The following AFF3 variants were observed in gnomAD, a reference collection of about 807,000 sequenced individuals.
AFF3 encodes ALF transcription elongation factor 3, also known as AF4/FMR2 family member 3.
AFF3 carries 32 observed loss-of-function variants against 129.7 expected under a neutral mutation model. That is an observed-to-expected ratio of 0.25 (90% CI 0.19 to 0.33). The LOEUF (loss-of-function observed/expected upper bound fraction) is 0.33, where lower values mean the gene tolerates loss of function less well. AFF3 is among the 10% of genes least tolerant of loss of function. The pLI is 1.00. For missense variants in AFF3, 1,373 were observed against 1,592.0 expected (o/e 0.86, Z 2.34); for synonymous variants, 644 against 635.4 (o/e 1.01, Z -0.20).
At chr2:99,742,357 TA>T (rs577062354) in intron 10 of AFF3, among the ~76,000 whole-genome samples, 72 of 149,064 alleles carry the variant, frequency 4.8e-4, no homozygotes, top group African/African-American at 1.5e-3. Flanking sequence ...AAAATGAAAT[TA>T]AAAAAAAAAT....
intron 11 of AFF3, among the ~76,000 whole-genome samples, chr2:99,673,944 T>G (rs755820565): frequency 6.6e-6 from 1 of 152,230 alleles, no homozygotes; most frequent in Non-Finnish European, 1.5e-5. Context: ...AATCCTAAGG[T>G]TGAATCCTGC....
chr2:99,942,498 T>C (rs1231845736), intron 7 of AFF3, among the ~76,000 whole-genome samples: 2 of 123,002 alleles, frequency 1.6e-5, no homozygotes, highest in Non-Finnish European at 3.2e-5. Flanking sequence ...AAGGCCTCAA[T>C]GTAAAGGGTA....
Position 99,856,357 on chromosome 2 carries a change from C to T in AFF3, c.874-18833G>A, listed in dbSNP as rs532717729. ...CAAAATTACTAGGCATACAAAGAACCGGGAAAATATGAACTCACATGGGGA... is the reference window on the plus strand; with the variant it reads ...CAAAATTACTAGGCATACAAAGAACTGGGAAAATATGAACTCACATGGGGA... On this transcript the variant is annotated intron_variant, in intron 7 of 24. Coordinates refer to ENST00000672756, the MANE Select transcript of AFF3 (RefSeq NM_001386135.1). Among the ~76,000 whole-genome samples the T allele has an allele frequency of 1.3e-4, 20 of 151,950 alleles. No homozygotes were observed. In the East Asian group the frequency reaches 1.4e-3, roughly 10 times the overall value.
chr2:100,067,208 G>C (rs985695131), intron 4 of AFF3, among the ~76,000 whole-genome samples: 4 of 151,774 alleles, frequency 2.6e-5, no homozygotes, highest in African/African-American at 9.7e-5. Flanking sequence ...GGTGGGGGGA[G>C]GGTGTAGTTC....
intron 7 of AFF3, among the ~76,000 whole-genome samples, chr2:99,960,463 T>G (rs954535008): frequency 6.6e-6 from 1 of 152,166 alleles, no homozygotes; most frequent in African/African-American, 2.4e-5. Flanking sequence ...CTATGTTTAC[T>G]GAGAAAATGA....
chr2:99,869,079 G>A (rs1691660294), intron 7 of AFF3, among the ~76,000 whole-genome samples: 1 of 151,970 alleles, frequency 6.6e-6, no homozygotes, highest in South Asian at 2.1e-4. Flanking sequence ...TTACAGGTGT[G>A]AGCCACCGTG....
intron 4 of AFF3, among the ~76,000 whole-genome samples, chr2:100,078,616 G>C (rs750439418): frequency 6.6e-6 from 1 of 152,044 alleles, no homozygotes; most frequent in Non-Finnish European, 1.5e-5. Flanking sequence ...ATTCAGCTGT[G>C]GAATGAACTG....
At chr2:99,910,656 T>C (rs977867904) in intron 7 of AFF3, among the ~76,000 whole-genome samples, 24 of 152,204 alleles carry the variant, frequency 1.6e-4, no homozygotes, top group African/African-American at 4.8e-4. Flanking sequence ...TTAAGGACAA[T>C]ATGACTCTCA....
intron 13 of AFF3, among the ~76,000 whole-genome samples, chr2:99,640,994 TCAGA>T: frequency 6.6e-6 from 1 of 152,308 alleles, no homozygotes; most frequent in Non-Finnish European, 1.5e-5. Context: ...AGAGCTGGCT[TCAGA>T]CACTTTCTAC....
At chr2:99,553,712 G>A (rs192277962) in intron 24 of AFF3, among the ~76,000 whole-genome samples, 161 of 151,908 alleles carry the variant, frequency 1.1e-3, no homozygotes, top group Non-Finnish European at 1.7e-3. Flanking sequence ...AAGAGATCGA[G>A]ATCATCCTGG....
At position 100,121,625 on chromosome 2, in the gene AFF3, G is replaced by T. The variant is rs6711298; in HGVS notation, c.-145+7599C>A. Among the ~76,000 whole-genome samples the T allele has an allele frequency of 9.7e-3, 1,481 of 152,330 alleles. 23 individuals are homozygous for T. Among genetic ancestry groups the T allele is most frequent in the African/African-American group, 0.033 (1,392 of 41,566 alleles). On this transcript the variant is annotated intron_variant, in intron 2 of 24. Coordinates refer to ENST00000672756, the MANE Select transcript of AFF3 (RefSeq NM_001386135.1). ...TTAAAGGATGAGCTTGGCAAGTGGA[G>T]AGGGGATGGGTTCAAATCAAAGCAT...
At chr2:99,595,837 G>A (rs7425455) in intron 14 of AFF3, among the ~76,000 whole-genome samples, 7,483 of 152,288 alleles carry the variant, frequency 0.049, 312 homozygotes, top group Non-Finnish European at 0.073. Flanking sequence ...GCCACAGAGC[G>A]TGGGGATCAG....
At chr2:99,723,882 A>T (rs1016588530) in intron 11 of AFF3, among the ~76,000 whole-genome samples, 1 of 152,168 alleles carries the variant, frequency 6.6e-6, no homozygotes, top group Non-Finnish European at 1.5e-5. Flanking sequence ...ACAGAGATAG[A>T]CATGCACAGA....
At chr2:100,062,654 G>A (rs78526837) in intron 4 of AFF3, among the ~76,000 whole-genome samples, 2,176 of 152,212 alleles carry the variant, frequency 0.014, 44 homozygotes, top group Middle Eastern at 0.017. Flanking sequence ...TACCCCCGCA[G>A]GACAGCAGCA....
chr2:99,779,992 C>T (rs1305347599), intron 8 of AFF3, among the ~76,000 whole-genome samples: 1 of 152,182 alleles, frequency 6.6e-6, no homozygotes, highest in African/African-American at 2.4e-5. Flanking sequence ...ATAAAGAACA[C>T]ATCTCATTCA....
At chr2:99,835,266 T>C (rs1264950249) in intron 8 of AFF3, among the ~76,000 whole-genome samples, 1 of 152,202 alleles carries the variant, frequency 6.6e-6, no homozygotes, top group Admixed American at 6.5e-5. Context: ...CCGCATCTTA[T>C]AGGATCTACG....
chr2:99,819,642 G>T (rs774478365), intron 8 of AFF3, among the ~76,000 whole-genome samples: 1 of 152,248 alleles, frequency 6.6e-6, no homozygotes, highest in Non-Finnish European at 1.5e-5. Flanking sequence ...ACAAGCATAT[G>T]AAATAATAAA....
chr2:100,075,249 T>A (rs1176914562), intron 4 of AFF3, among the ~76,000 whole-genome samples: 2 of 152,154 alleles, frequency 1.3e-5, no homozygotes. Flanking sequence ...CAAACATCCC[T>A]GACTCCCCAA....
intron 7 of AFF3, among the ~76,000 whole-genome samples, chr2:99,918,829 C>T (rs749705106): frequency 7.2e-5 from 11 of 152,116 alleles, no homozygotes; most frequent in Non-Finnish European, 1.2e-4. Context: ...ATGAATAGCA[C>T]CAACAAAATT....
Sources: allele counts gnomAD v4.1 joint callset (sites outside exome capture counted in the v4.1 genomes callset), GRCh38; gene constraint gnomAD v4.1.1; transcripts MANE v1.5; gene names NCBI Gene and HGNC (gene_info 2026-07-23, HGNC 2026-07-21).